Variants in SRSF3 observed in about 807,000 individuals in gnomAD.
The protein encoded by SRSF3 is serine and arginine rich splicing factor 3.
For synonymous variants in SRSF3, 87 were observed against 73.6 expected (o/e 1.18, Z -0.93); for missense variants, 58 against 217.1 (o/e 0.27, Z 4.61).
Position 36,601,157 on chromosome 6 carries a change from CAAG to C in SRSF3, c.351_353del (p.Arg119del). On this transcript the variant is annotated inframe_deletion, in exon 4 of 6. Coordinates refer to ENST00000373715, the MANE Select transcript of SRSF3 (RefSeq NM_003017.5). ...TTTCCTGTTTCTGCTTTTAGATCTC[CAAG>C]AAGGAGAAGCTTCTCTCGCAGCCGG... The C allele has an allele frequency of 6.2e-7, 1 of 1,613,508 alleles. No individual in the cohort carries two copies. The highest frequency in any genetic ancestry group is 8.5e-7 in the Non-Finnish European group (1 of 1,179,856).
Position 36,603,242 on chromosome 6 carries a change from T to C in SRSF3, c.*1253T>C, listed in dbSNP as rs974790444. 4.4e-6 allele frequency: 1 copy of C among 224,872 alleles called. No homozygotes were observed. Among genetic ancestry groups the C allele is most frequent in the Non-Finnish European group, 8.9e-6 (1 of 112,540 alleles). 13.9% of individuals were successfully genotyped at this position (224,872 alleles called of 1,614,324 possible). A position where few individuals can be genotyped will look rare whatever the true frequency, so the allele number is the denominator to read the frequency against. On this transcript the variant is annotated 3_prime_UTR_variant, in exon 6 of 6. Coordinates refer to ENST00000373715, the MANE Select transcript of SRSF3 (RefSeq NM_003017.5). ...ACTTTCCACAGGTCTAAAAATTGCT[T>C]CCATTTTATAATTTGAGGTGTTGCA...
chr6:36,602,211 T>C lies in SRSF3; in HGVS notation c.*222T>C, dbSNP rs1778729275. 6.6e-6 allele frequency: 6 copies of C among 902,708 alleles called. No homozygotes were observed. Among genetic ancestry groups the C allele is most frequent in the Non-Finnish European group, 9.3e-6 (6 of 648,084 alleles). The allele number at this position is 902,708 out of a possible 1,614,324, so 55.9% of individuals were successfully genotyped here. ...CATGTAATACCAAGAATTGTTACTT[T>C]ACAATGTTCCCTTAAGCAAAATTGA... On this transcript the variant is annotated 3_prime_UTR_variant, in exon 6 of 6. Coordinates refer to ENST00000373715, the MANE Select transcript of SRSF3 (RefSeq NM_003017.5).
rs200859635 is a variant in SRSF3, at chr6:36,596,838, T to C, written c.76T>C (p.Leu26=). 3.1e-6 allele frequency: 5 copies of C among 1,614,098 alleles called. No homozygotes were observed. The Admixed American group carries it at 6.7e-5, about 22-fold the overall frequency. The part of the protein sequence containing the change: ...NLGNNGNKTE[L]ERAFGYYGPL... ...TGGAAACAATGGCAACAAGACGGAA[T>C]TGGAACGGGCTTTTGGCTACTATGG... Residue 26 remains leucine, a synonymous_variant, in exon 2 of 6, where the codon TTG becomes CTG. Coordinates refer to ENST00000373715, the MANE Select transcript of SRSF3 (RefSeq NM_003017.5).
chr6:36,596,871 C>A lies in SRSF3; in HGVS notation c.109C>A (p.Arg37=). 2.5e-6 allele frequency: 4 copies of A among 1,613,980 alleles called. No individual in the cohort carries two copies. Among genetic ancestry groups the A allele is most frequent in the Non-Finnish European group, 3.4e-6 (4 of 1,180,000 alleles). Residue 37 remains arginine, a synonymous_variant, in exon 2 of 6, where the codon CGA becomes AGA. Coordinates refer to ENST00000373715, the MANE Select transcript of SRSF3 (RefSeq NM_003017.5). Reference sequence around the variant, plus strand: ...GGCTTTTGGCTACTATGGACCACTCCGAAGTGTGTGGGTTGCTAGAAACCC... The same window carrying A: ...GGCTTTTGGCTACTATGGACCACTCAGAAGTGTGTGGGTTGCTAGAAACCC... ...ERAFGYYGPL[R]SVWVARNPPG... is the part of the protein sequence containing the mutation.
chr6:36,601,110 A>G (rs1778708752), intron 3 of SRSF3, 42 bp from the exon 4 acceptor site: 2 of 1,598,028 alleles, frequency 1.3e-6, no homozygotes, highest in African/African-American at 1.4e-5. Flanking sequence ...CGCCATAAAT[A>G]CTAATTGATG....
chr6:36,602,136 CAG>C lies in SRSF3; in HGVS notation c.*148_*149del. On this transcript the variant is annotated 3_prime_UTR_variant, in exon 6 of 6. Coordinates refer to ENST00000373715, the MANE Select transcript of SRSF3 (RefSeq NM_003017.5). ...GTTCAAATCTGTTTGTCTCTTGAAACAGTGACACAAAGGTGTAATTCTCTATG... is the reference window on the plus strand; with the variant it reads ...GTTCAAATCTGTTTGTCTCTTGAAACTGACACAAAGGTGTAATTCTCTATG... 8 of 1,418,312 alleles carry C rather than the reference CAG, an allele frequency of 5.6e-6. No homozygotes were observed. The East Asian group carries it at 1.4e-4, about 25-fold the overall frequency. 87.9% of individuals were successfully genotyped at this position (1,418,312 alleles called of 1,614,324 possible). A position where few individuals can be genotyped will look rare whatever the true frequency, so the allele number is the denominator to read the frequency against.
rs1483422605 is a variant in SRSF3 at position 36,604,918 on chromosome 6, T to C, written c.*2929T>C. On this transcript the variant is annotated 3_prime_UTR_variant, in exon 6 of 6. Transcript: ENST00000373715. Reference sequence around the variant, plus strand: ...TTTTTTCAGAGTTCTGAATGAGATTTAGTTGTCATACCTAGTTGGTGGTAA... The same window carrying C: ...TTTTTTCAGAGTTCTGAATGAGATTCAGTTGTCATACCTAGTTGGTGGTAA... The C allele has an allele frequency of 6.6e-6, 1 of 152,212 alleles. No homozygotes were observed. The highest frequency in any genetic ancestry group is 1.5e-5 in the Non-Finnish European group (1 of 68,036). The allele number at this position is 152,212 out of a possible 1,614,324, so 9.4% of individuals were successfully genotyped here. A position where few individuals can be genotyped will look rare whatever the true frequency, so the allele number is the denominator to read the frequency against.
At position 36,602,191 on chromosome 6, in the gene SRSF3, A is replaced by G. The variant is rs2127506889; in HGVS notation, c.*202A>G. The G allele has an allele frequency of 9.9e-7, 1 of 1,014,596 alleles. No individual in the cohort carries two copies. Among genetic ancestry groups the G allele is most frequent in the East Asian group, 2.8e-5 (1 of 35,200 alleles). The allele number at this position is 1,014,596 out of a possible 1,614,324, so 62.8% of individuals were successfully genotyped here. On this transcript the variant is annotated 3_prime_UTR_variant, in exon 6 of 6. Transcript: ENST00000373715. ...TTGAAATGGATCATACGAGGCATGT[A>G]ATACCAAGAATTGTTACTTTACAAT...
At chr6:36,597,970 C>G (rs907128227) in intron 2 of SRSF3, among the ~76,000 whole-genome samples, 9 of 152,166 alleles carry the variant, frequency 5.9e-5, no homozygotes, top group Admixed American at 4.6e-4. Context: ...GCTGGGATTA[C>G]AGGCATGAGC....
intron 5 of SRSF3, 27 bp from the exon 6 acceptor site, chr6:36,601,935 G>GTTTTTTTTTTTTTTTT: frequency 1.5e-6 from 2 of 1,318,538 alleles, no homozygotes; most frequent in Non-Finnish European, 9.7e-7. Flanking sequence ...GTAATGTTTT[G>GTTTTTTTTTTTTTTTT]TTTTCTTTTT....
chr6:36,602,166 T>C lies in SRSF3; in HGVS notation c.*177T>C, dbSNP rs139452526. The C allele has an allele frequency of 2.4e-5, 30 of 1,241,100 alleles. No homozygotes were observed. The African/African-American group carries it at 4.1e-4, about 17-fold the overall frequency. 76.9% of individuals were successfully genotyped at this position (1,241,100 alleles called of 1,614,324 possible). A position where few individuals can be genotyped will look rare whatever the true frequency, so the allele number is the denominator to read the frequency against. On this transcript the variant is annotated 3_prime_UTR_variant, in exon 6 of 6. Transcript: ENST00000373715. ...ACACAAAGGTGTAATTCTCTATGGT[T>C]TGAAATGGATCATACGAGGCATGTA...
At chr6:36,595,035 T>G (rs1192828040) in intron 1 of SRSF3, among the ~76,000 whole-genome samples, 1 of 152,196 alleles carries the variant, frequency 6.6e-6, no homozygotes, top group African/African-American at 2.4e-5. Flanking sequence ...CAGCAGTGTT[T>G]TTAAAAATTT....
Position 36,597,039 on chromosome 6 carries a change from G to A in SRSF3, c.206+71G>A, listed in dbSNP as rs115818152. 7.4e-4 allele frequency: 1,062 copies of A among 1,430,762 alleles called. 6 individuals carry two copies. Among genetic ancestry groups the A allele is most frequent in the Admixed American group, 6.4e-4 (36 of 56,302 alleles). 88.6% of individuals were successfully genotyped at this position (1,430,762 alleles called of 1,614,324 possible). On this transcript the variant is annotated intron_variant, in intron 2 of 5. Transcript: ENST00000373715. ...CATATTTAAAATCTACAGGATATGTGGCTCTTAGATGGCTTTCCCAATCAC... is the reference window on the plus strand; with the variant it reads ...CATATTTAAAATCTACAGGATATGTAGCTCTTAGATGGCTTTCCCAATCAC...
chr6:36,595,730 G>T (rs1356148797), intron 1 of SRSF3, among the ~76,000 whole-genome samples: 5 of 152,100 alleles, frequency 3.3e-5, no homozygotes, highest in Non-Finnish European at 7.3e-5. Context: ...TCTGTTGATG[G>T]ACATTTGGGT....
chr6:36,594,696 T>TG (rs1365864067), intron 1 of SRSF3: 2 of 152,138 alleles, frequency 1.3e-5, no homozygotes, highest in East Asian at 1.9e-4. Context: ...TGAGCCAGGA[T>TG]GGGGGTTACC....
chr6:36,604,234 A>G lies in SRSF3; in HGVS notation c.*2245A>G, dbSNP rs897736208. The G allele has an allele frequency of 9.1e-6, 2 of 218,844 alleles. No individual in the cohort carries two copies. The highest frequency in any genetic ancestry group is 5.8e-5 in the Admixed American group (1 of 17,314). 13.6% of individuals were successfully genotyped at this position (218,844 alleles called of 1,614,324 possible). ...ACTTAGACCTGTGGTTTAAGGATCA[A>G]GGTGTTCACTAGAAGTCACTGTTAC... On this transcript the variant is annotated 3_prime_UTR_variant, in exon 6 of 6. Coordinates refer to ENST00000373715, the MANE Select transcript of SRSF3 (RefSeq NM_003017.5).
chr6:36,596,577 G>GGGT lies in SRSF3; in HGVS notation c.-2-182_-2-181insTGG, dbSNP rs1314506969. Among the ~76,000 whole-genome samples the GGGT allele has an allele frequency of 5.2e-5, 7 of 133,884 alleles. 1 individual carries two copies. The highest frequency in any genetic ancestry group is 1.8e-4 in the African/African-American group (7 of 38,408). 87.8% of individuals were successfully genotyped at this position (133,884 alleles called of 152,430 possible). A position where few individuals can be genotyped will look rare whatever the true frequency, so the allele number is the denominator to read the frequency against. On this transcript the variant is annotated intron_variant, in intron 1 of 5. Transcript: ENST00000373715. ...TAAAGATAATGGGGCGGGGTGGCGG[G>GGGT]GGGGGGGAAATGGGTGCTTAGCAGT...
At chr6:36,599,056 G>C in intron 3 of SRSF3, 73 bp downstream of exon 3, 1 of 1,546,326 alleles carries the variant, frequency 6.5e-7, no homozygotes, top group South Asian at 1.2e-5. Context: ...TTTCTCTTAA[G>C]TTTGTTGGTG....
intron 1 of SRSF3, 104 bp from the exon 2 acceptor site, chr6:36,596,657 A>G: frequency 2.0e-6 from 2 of 1,014,136 alleles, no homozygotes; most frequent in South Asian, 2.9e-5. Context: ...TTTACGTGCT[A>G]CCTTAAACTC....
Sources: gnomAD v4.1 joint callset for allele counts (sites outside exome capture counted in the v4.1 genomes callset) on GRCh38, gnomAD v4.1.1 for gene constraint, MANE v1.5 for transcripts, NCBI Gene and HGNC (gene_info 2026-07-23, HGNC 2026-07-21) for gene names.